MALRD1: variants seen among roughly 807,000 people sequenced by gnomAD.
MALRD1 encodes the protein MAM and LDL receptor class A domain containing 1.
A neutral mutation model predicts 242.1 loss-of-function variants in MALRD1; 247 were observed. That is an observed-to-expected ratio of 1.02 (90% CI 0.92 to 1.13). MALRD1 has a LOEUF of 1.13. Ranked by LOEUF, MALRD1 falls within the 50% of genes most tolerant of loss-of-function variation. The pLI, the probability that MALRD1 is intolerant of heterozygous loss-of-function variation, is 0.00. For missense variants in MALRD1, 2,989 were observed against 2,533.1 expected (o/e 1.18, Z -3.86); for synonymous variants, 995 against 866.6 (o/e 1.15, Z -2.60).
At chr10:19,664,033 C>G (rs1841564487) in intron 36 of MALRD1, among the ~76,000 whole-genome samples, 1 of 152,018 alleles carries the variant, frequency 6.6e-6, no homozygotes. Context: ...GGGAATTCAT[C>G]CCTAAGTGGT....
At chr10:19,097,507 T>G (rs188312542) in intron 4 of MALRD1, among the ~76,000 whole-genome samples, 1 of 152,326 alleles carries the variant, frequency 6.6e-6, no homozygotes, top group East Asian at 1.9e-4. Flanking sequence ...TTAATTTTAC[T>G]GTTGTCCTAA....
At chr10:19,234,811 A>G (rs1838235204) in intron 18 of MALRD1, among the ~76,000 whole-genome samples, 1 of 152,164 alleles carries the variant, frequency 6.6e-6, no homozygotes, top group Non-Finnish European at 1.5e-5. Context: ...AAGGCACACA[A>G]GCAAAGAACT....
chr10:19,569,145 A>G (rs1020731934), intron 33 of MALRD1, among the ~76,000 whole-genome samples: 6 of 152,092 alleles, frequency 3.9e-5, no homozygotes, highest in Non-Finnish European at 2.9e-5. Context: ...GGCTTTAATC[A>G]TCTTTGCAAT....
At chr10:19,651,527 G>C (rs147735295) in intron 36 of MALRD1, among the ~76,000 whole-genome samples, 3 of 152,250 alleles carry the variant, frequency 2.0e-5, no homozygotes, top group African/African-American at 4.8e-5. Flanking sequence ...CAATTATTCA[G>C]TTATTCATTA....
intron 26 of MALRD1, among the ~76,000 whole-genome samples, chr10:19,373,311 G>C (rs967411047): frequency 1.3e-5 from 2 of 151,362 alleles, no homozygotes; most frequent in Non-Finnish European, 2.9e-5. Context: ...GACCAGCCTG[G>C]CCAACATGGT....
At position 19,128,301 on chromosome 10, in the gene MALRD1, T is replaced by A. The variant is rs925230341; in HGVS notation, c.1024T>A (p.Cys342Ser). The A allele has an allele frequency of 8.1e-6, 10 of 1,233,436 alleles. No individual in the cohort carries two copies. In the South Asian group the frequency reaches 4.1e-4, roughly 51 times the overall value. 76.4% of individuals were successfully genotyped at this position (1,233,436 alleles called of 1,614,324 possible). A position where few individuals can be genotyped will look rare whatever the true frequency, so the allele number is the denominator to read the frequency against. ...CAGGGCTTACCTAAATAGCTCTGTG[T>A]GTCATTGCCTGGGCAAGAGCTGTCA... is the stretch of plus-strand genomic sequence containing the variant. Reference protein sequence around the residue: ...DSRAYLNSSVCHCLGKSCHLQ... With the variant: ...DSRAYLNSSVSHCLGKSCHLQ... Residue 342 changes from cysteine (C) to serine (S), a missense_variant, in exon 8 of 40, where the codon TGT becomes AGT. Cys to Ser is a moderately radical substitution (Grantham distance 112). Transcript: ENST00000454679.
intron 31 of MALRD1, among the ~76,000 whole-genome samples, chr10:19,499,749 A>C (rs890520842): frequency 1.3e-4 from 20 of 152,252 alleles, no homozygotes; most frequent in Admixed American, 7.2e-4. Flanking sequence ...AGTAACTTTC[A>C]AAAGATTGTC....
intron 36 of MALRD1, among the ~76,000 whole-genome samples, chr10:19,653,646 C>T (rs1840992152): frequency 6.6e-6 from 1 of 152,162 alleles, no homozygotes; most frequent in South Asian, 2.1e-4. Flanking sequence ...TTTCTTACCT[C>T]TAAGCAGGTA....
intron 28 of MALRD1, among the ~76,000 whole-genome samples, chr10:19,447,963 A>G (rs985043783): frequency 2.0e-5 from 3 of 152,168 alleles, no homozygotes; most frequent in Admixed American, 6.5e-5. Flanking sequence ...AAGGATGTTA[A>G]TGATCTATCT....
intron 26 of MALRD1, among the ~76,000 whole-genome samples, chr10:19,365,382 G>A (rs1845063123): frequency 6.6e-6 from 1 of 151,970 alleles, no homozygotes; most frequent in South Asian, 2.1e-4. Context: ...ACATACTGCA[G>A]GTTTAGGTTG....
rs1264239089 is a variant in MALRD1, at chr10:19,387,481, G to A, written c.4442-47G>A. The A allele has an allele frequency of 3.3e-6, 5 of 1,529,620 alleles. No homozygotes were observed. In the Admixed American group the frequency reaches 1.0e-4, roughly 31 times the overall value. The allele number at this position is 1,529,620 out of a possible 1,614,324, so 94.8% of individuals were successfully genotyped here. ...TTACTGCTTTTTGACCTCACTGAATGTGTTAGGAGTGTTCGCTCATTCTTG... is the reference window on the plus strand; with the variant it reads ...TTACTGCTTTTTGACCTCACTGAATATGTTAGGAGTGTTCGCTCATTCTTG... On this transcript the variant is annotated intron_variant, in intron 26 of 39. Coordinates refer to ENST00000454679, the MANE Select transcript of MALRD1 (RefSeq NM_001142308.3).
chr10:19,125,127 G>T (rs1027432981), intron 7 of MALRD1, among the ~76,000 whole-genome samples: 1 of 151,130 alleles, frequency 6.6e-6, no homozygotes, highest in Non-Finnish European at 1.5e-5. Flanking sequence ...TGAATTTTTA[G>T]TGGAGACAGG....
intron 22 of MALRD1, among the ~76,000 whole-genome samples, chr10:19,326,898 C>CTT (rs1843157653): frequency 6.6e-6 from 1 of 152,054 alleles, no homozygotes; most frequent in South Asian, 2.1e-4. Flanking sequence ...AGTTGTTCCA[C>CTT]TCTCCTTTGA....
At chr10:19,371,624 A>G (rs1476087265) in intron 26 of MALRD1, among the ~76,000 whole-genome samples, 1 of 152,114 alleles carries the variant, frequency 6.6e-6, no homozygotes, top group African/African-American at 2.4e-5. Context: ...CCTTCTATAT[A>G]TTGCTAGATT....
At chr10:19,353,314 AT>A (rs1464185545) in intron 26 of MALRD1, among the ~76,000 whole-genome samples, 2 of 152,102 alleles carry the variant, frequency 1.3e-5, no homozygotes, top group Non-Finnish European at 2.9e-5. Flanking sequence ...GCAGATATTA[AT>A]TTTTTAAACC....
intron 28 of MALRD1, among the ~76,000 whole-genome samples, chr10:19,436,374 C>T (rs772148867): frequency 9.9e-5 from 15 of 152,174 alleles, no homozygotes; most frequent in Non-Finnish European, 2.1e-4. Context: ...CAACTACAGT[C>T]TATTACCACA....
At chr10:19,141,076 C>T (rs1006671928) in intron 10 of MALRD1, among the ~76,000 whole-genome samples, 5 of 152,102 alleles carry the variant, frequency 3.3e-5, no homozygotes, top group Non-Finnish European at 7.3e-5. Flanking sequence ...GTCACTTATA[C>T]ATCAATAAAG....
intron 12 of MALRD1, among the ~76,000 whole-genome samples, chr10:19,164,202 G>A (rs770149761): frequency 6.6e-6 from 1 of 152,128 alleles, no homozygotes; most frequent in Admixed American, 6.5e-5. Context: ...TTTAAATCAG[G>A]TGGTCACAAT....
rs192060132 is a variant in MALRD1 at position 19,061,540 on chromosome 10, A to C, written c.200-5179A>C. On this transcript the variant is annotated intron_variant, in intron 1 of 39. Coordinates refer to ENST00000454679, the MANE Select transcript of MALRD1 (RefSeq NM_001142308.3). ...AAGAGGTCTAACACTTCCTGATTTC[A>C]AAACTTATTAAAAAGCTACAGTACC... 1.7e-4 allele frequency among the ~76,000 whole-genome samples: 26 copies of C among 152,326 alleles called. No homozygotes were observed. The South Asian group carries it at 2.7e-3, about 16-fold the overall frequency.
Sources: allele counts gnomAD v4.1 joint callset (sites outside exome capture counted in the v4.1 genomes callset), GRCh38; gene constraint gnomAD v4.1.1; transcripts MANE v1.5; gene names NCBI Gene and HGNC (gene_info 2026-07-23, HGNC 2026-07-21).